The following TAS2R1 variants were observed in gnomAD, a reference collection of about 807,000 sequenced individuals.
TAS2R1 encodes taste 2 receptor member 1, also known as taste receptor type 2 member 1.
For missense variants in TAS2R1, 370 were observed against 353.4 expected, an observed-to-expected ratio of 1.05 and a Z score of -0.38; for synonymous variants, 141 against 134.2, an observed-to-expected ratio of 1.05 and a Z score of -0.35.
In TAS2R1 at chr5:9,705,132, CA is replaced by C. The variant is rs1029778275; in HGVS notation, c.-242+7039del. 3.9e-3 allele frequency among the ~76,000 whole-genome samples: 572 copies of C among 148,380 alleles called. 6 individuals are homozygous for C. Among genetic ancestry groups the C allele is most frequent in the African/African-American group, 0.013 (521 of 40,552 alleles). On this transcript the variant is annotated intron_variant, in intron 1 of 2. Coordinates refer to the TAS2R1 transcript ENST00000506620. The stretch of plus-strand genomic sequence containing the variant: ...CTGAAACTTCACACTAGAATTACCG[CA>C]AAAAAAAAATCCCACAACAATTCAG...
the TAS2R1 span, among the ~76,000 whole-genome samples, chr5:9,770,513 C>T: frequency 6.6e-6 from 1 of 152,098 alleles, no homozygotes; most frequent in South Asian, 2.1e-4. Flanking sequence ...TTAGTATGGA[C>T]ATTTTAACAA....
chr5:9,793,553 G>A, the TAS2R1 span, among the ~76,000 whole-genome samples: 1 of 152,150 alleles, frequency 6.6e-6, no homozygotes, highest in Non-Finnish European at 1.5e-5. Context: ...AATAAAATCA[G>A]CTCAGATGCC....
At chr5:9,678,237 T>C in intron 1 of TAS2R1, among the ~76,000 whole-genome samples, 1 of 152,072 alleles carries the variant, frequency 6.6e-6, no homozygotes, top group East Asian at 1.9e-4. Flanking sequence ...TGAGATACTA[T>C]CTCATGCCAA....
chr5:9,722,334 T>C, the TAS2R1 span, among the ~76,000 whole-genome samples: 4 of 151,878 alleles, frequency 2.6e-5, no homozygotes, highest in African/African-American at 9.7e-5. Flanking sequence ...ATAAATGCTG[T>C]CATTTTAAGC....
At chr5:9,792,205 C>T in the TAS2R1 span, among the ~76,000 whole-genome samples, 3 of 152,190 alleles carry the variant, frequency 2.0e-5, no homozygotes, top group Admixed American at 2.0e-4. Flanking sequence ...CCAAGGCTCA[C>T]TTTCAAATAG....
the TAS2R1 span, among the ~76,000 whole-genome samples, chr5:9,797,482 T>A: frequency 6.6e-6 from 1 of 152,174 alleles, no homozygotes; most frequent in Non-Finnish European, 1.5e-5. Context: ...AAGCTTGTTT[T>A]AGCAGGAGAC....
chr5:9,883,020 A>G, the TAS2R1 span, among the ~76,000 whole-genome samples: 5 of 152,246 alleles, frequency 3.3e-5, no homozygotes, highest in South Asian at 6.2e-4. Context: ...TATGGTACAT[A>G]TATACCACGA....
chr5:9,713,746 A>G (rs1053204297), upstream of TAS2R1: 23 of 152,220 alleles, frequency 1.5e-4, no homozygotes, highest in African/African-American at 5.1e-4. Flanking sequence ...GTTAGGAGAG[A>G]CAAGGGAGTT....
the TAS2R1 span, among the ~76,000 whole-genome samples, chr5:9,810,217 G>A: frequency 4.6e-5 from 7 of 152,240 alleles, no homozygotes; most frequent in East Asian, 1.9e-4. Context: ...CAAGGTCACC[G>A]ATGTCTTTAT....
the TAS2R1 span, among the ~76,000 whole-genome samples, chr5:9,881,972 C>G: frequency 8.5e-5 from 13 of 152,180 alleles, 1 homozygote; most frequent in Admixed American, 8.5e-4. Context: ...ACAAAAACAT[C>G]AAAAGCAATT....
the TAS2R1 span, among the ~76,000 whole-genome samples, chr5:9,717,766 G>A: frequency 5.3e-5 from 8 of 151,964 alleles, no homozygotes; most frequent in Non-Finnish European, 1.2e-4. Flanking sequence ...AACTCTGAAT[G>A]AATCAGAAAT....
chr5:9,705,629 T>A (rs192632491), intron 1 of TAS2R1, among the ~76,000 whole-genome samples: 6 of 152,150 alleles, frequency 3.9e-5, no homozygotes, highest in Non-Finnish European at 1.5e-5. Flanking sequence ...AAGGCTGAGG[T>A]GGGCAGAACA....
chr5:9,810,567 G>A, the TAS2R1 span, among the ~76,000 whole-genome samples: 55 of 152,252 alleles, frequency 3.6e-4, no homozygotes, highest in Admixed American at 3.4e-3. Context: ...GTTTCAGGGG[G>A]GCATGGGGTT....
the TAS2R1 span, among the ~76,000 whole-genome samples, chr5:9,857,772 C>G: frequency 1.3e-5 from 2 of 151,840 alleles, no homozygotes; most frequent in Non-Finnish European, 2.9e-5. Flanking sequence ...AAAGTAGAGG[C>G]TTGTTCCAGT....
the TAS2R1 span, among the ~76,000 whole-genome samples, chr5:9,772,635 T>A: frequency 6.6e-6 from 1 of 152,134 alleles, no homozygotes; most frequent in African/African-American, 2.4e-5. Context: ...GGCCTCTCTC[T>A]CTCTTTAGTT....
chr5:9,629,531 T>C lies in TAS2R1; in HGVS notation c.502A>G (p.Lys168Glu), dbSNP rs1376252911. Reference protein sequence around the residue: ...KFFSQNATIQKEDTLAIQIFS... With the variant: ...KFFSQNATIQEEDTLAIQIFS... ...ATCTGTATAGCCAGTGTATCTTCTTTTTGAATTGTGGCATTTTGGGAGAAA... is the reference window on the plus strand; with the variant it reads ...ATCTGTATAGCCAGTGTATCTTCTTCTTGAATTGTGGCATTTTGGGAGAAA... Residue 168 changes from lysine to glutamate, a missense_variant, in exon 1 of 1, where the codon AAA (lysine) becomes GAA (glutamate). Lys to Glu is a moderately conservative substitution (Grantham distance 56, BLOSUM62 1). Coordinates refer to ENST00000382492, the MANE Select transcript of TAS2R1 (RefSeq NM_019599.3). 6.2e-7 allele frequency: 1 copy of C among 1,613,932 alleles called. No individual in the cohort carries two copies. The highest frequency in any genetic ancestry group is 8.5e-7 in the Non-Finnish European group (1 of 1,179,994).
chr5:9,710,386 T>C (rs555381133), intron 1 of TAS2R1, among the ~76,000 whole-genome samples: 58 of 152,344 alleles, frequency 3.8e-4, no homozygotes, highest in Non-Finnish European at 6.3e-4. Context: ...ATTCCCCCAA[T>C]AGTAGTGAGG....
the TAS2R1 span, among the ~76,000 whole-genome samples, chr5:9,732,069 A>G: frequency 1.3e-5 from 2 of 152,236 alleles, no homozygotes; most frequent in South Asian, 2.1e-4. Flanking sequence ...CTGCTATGAT[A>G]GAGAATAATG....
At chr5:9,884,467 C>A in the TAS2R1 span, among the ~76,000 whole-genome samples, 11 of 108,020 alleles carry the variant, frequency 1.0e-4, no homozygotes, top group Non-Finnish European at 1.9e-4. Context: ...GAGTGAGACT[C>A]TGACTTAAAA....
Sources: gnomAD v4.1 joint callset for allele counts (sites outside exome capture counted in the v4.1 genomes callset) on GRCh38, gnomAD v4.1.1 for gene constraint, MANE v1.5 for transcripts, NCBI Gene and HGNC (gene_info 2026-07-23, HGNC 2026-07-21) for gene names.